Variants in ABAT observed in about 807,000 individuals in gnomAD.
The protein encoded by ABAT is 4-aminobutyrate aminotransferase, mitochondrial.
A neutral mutation model predicts 64.6 loss-of-function variants in ABAT; 45 were observed. That is an observed-to-expected ratio of 0.70 (90% CI 0.55 to 0.89). The LOEUF (loss-of-function observed/expected upper bound fraction) is 0.89, where lower values mean the gene tolerates loss of function less well. Among genes scored for constraint, ABAT ranks in the 40% least tolerant of loss-of-function variants. ABAT has a pLI of 0.00. For missense variants in ABAT, 633 were observed against 658.4 expected (o/e 0.96, Z 0.42); for synonymous variants, 297 against 250.5 (o/e 1.19, Z -1.75).
rs796917454 is a variant in ABAT at position 8,757,890 on chromosome 16, C to G, written c.366+84C>G. ...CACTGGGCAGACTTTGGCAATAGTCCTTTCATTCATTCATTCATTCCATAA... is the reference window on the plus strand; with the variant it reads ...CACTGGGCAGACTTTGGCAATAGTCGTTTCATTCATTCATTCATTCCATAA... On this transcript the variant is annotated intron_variant, in intron 6 of 15. Transcript: ENST00000268251. 7.8e-6 allele frequency: 11 copies of G among 1,414,796 alleles called. No homozygotes were observed. In the African/African-American group the frequency reaches 1.6e-4, roughly 20 times the overall value. The allele number at this position is 1,414,796 out of a possible 1,614,324, so 87.6% of individuals were successfully genotyped here. A position where few individuals can be genotyped will look rare whatever the true frequency, so the allele number is the denominator to read the frequency against.
chr16:8,750,606 AG>A (rs1246858211), intron 5 of ABAT, 67 bp downstream of exon 5: 1 of 1,450,968 alleles, frequency 6.9e-7, no homozygotes, highest in African/African-American at 1.4e-5. Flanking sequence ...GTGGCTATCC[AG>A]GTATTAGGAT....
intron 2 of ABAT, chr16:8,736,472 C>T (rs12445609): frequency 1.3e-5 from 2 of 153,194 alleles, no homozygotes; most frequent in Non-Finnish European, 2.9e-5. Flanking sequence ...CAGGCCATCT[C>T]TGCAGGGACC....
chr16:8,721,775 C>G (rs1263968053), intron 1 of ABAT, among the ~76,000 whole-genome samples: 7 of 152,180 alleles, frequency 4.6e-5, no homozygotes, highest in Non-Finnish European at 8.8e-5. Context: ...ACATTGAACT[C>G]GGCCTCTTAG....
intron 2 of ABAT, among the ~76,000 whole-genome samples, chr16:8,740,754 A>G (rs2059140787): frequency 6.6e-6 from 1 of 152,248 alleles, no homozygotes; most frequent in African/African-American, 2.4e-5. Flanking sequence ...AGAGAGTGGG[A>G]GACCACATCA....
intron 1 of ABAT, among the ~76,000 whole-genome samples, chr16:8,680,342 A>T (rs1223548472): frequency 6.6e-6 from 1 of 152,248 alleles, no homozygotes; most frequent in African/African-American, 2.4e-5. Context: ...TTCAAGGAGC[A>T]TTGACTGAAT....
intron 6 of ABAT, among the ~76,000 whole-genome samples, chr16:8,762,587 A>G (rs918525006): frequency 5.3e-5 from 8 of 152,182 alleles, no homozygotes; most frequent in East Asian, 1.9e-4. Context: ...CTGATACCCA[A>G]TGTCCCAGAT....
At chr16:8,728,249 T>C (rs2058615739) in intron 1 of ABAT, among the ~76,000 whole-genome samples, 1 of 152,226 alleles carries the variant, frequency 6.6e-6, no homozygotes, top group African/African-American at 2.4e-5. Flanking sequence ...AGAGATCAGA[T>C]TTTGTTATAA....
At chr16:8,682,010 AC>A (rs1302564389) in intron 1 of ABAT, among the ~76,000 whole-genome samples, 2 of 152,020 alleles carry the variant, frequency 1.3e-5, no homozygotes. Flanking sequence ...CTTGGCCTCC[AC>A]CCACCAGACG....
intron 1 of ABAT, among the ~76,000 whole-genome samples, chr16:8,692,754 C>A (rs1055533588): frequency 6.6e-6 from 1 of 152,172 alleles, no homozygotes; most frequent in Non-Finnish European, 1.5e-5. Context: ...CTTGCCTTGC[C>A]CTTTGTGCGG....
intron 1 of ABAT, among the ~76,000 whole-genome samples, chr16:8,696,976 G>T (rs940451598): frequency 3.3e-5 from 5 of 152,188 alleles, no homozygotes; most frequent in African/African-American, 1.2e-4. Flanking sequence ...CTTACATTGC[G>T]CGTCGACTGT....
At chr16:8,722,642 C>G (rs761213174) in intron 1 of ABAT, 3 of 390,272 alleles carry the variant, frequency 7.7e-6, no homozygotes, top group Non-Finnish European at 1.4e-5. Flanking sequence ...GGGCCAACAA[C>G]CAGCCTGCTG....
intron 1 of ABAT, among the ~76,000 whole-genome samples, chr16:8,691,409 AG>A (rs962120502): frequency 3.3e-4 from 50 of 152,144 alleles, no homozygotes; most frequent in African/African-American, 1.2e-3. Flanking sequence ...CCTGGAGAGC[AG>A]GGTTCTCTGC....
At chr16:8,722,027 C>G (rs1398616738) in intron 1 of ABAT, among the ~76,000 whole-genome samples, 1 of 152,168 alleles carries the variant, frequency 6.6e-6, no homozygotes, top group Non-Finnish European at 1.5e-5. Context: ...CCTGACAATT[C>G]CTATTCTGTT....
At chr16:8,773,039 G>A in intron 12 of ABAT, 122 bp downstream of exon 12, 1 of 1,390,432 alleles carries the variant, frequency 7.2e-7, no homozygotes, top group Admixed American at 1.8e-5. Flanking sequence ...TGCAGAGGCT[G>A]TCTGTCAGCA....
intron 6 of ABAT, among the ~76,000 whole-genome samples, chr16:8,761,255 T>A (rs1201607065): frequency 1.4e-5 from 2 of 139,420 alleles, no homozygotes; most frequent in Admixed American, 1.6e-4. Flanking sequence ...AACCCTCACA[T>A]CTCCCACTTG....
chr16:8,724,182 C>T (rs763947931), intron 1 of ABAT, among the ~76,000 whole-genome samples: 1 of 152,024 alleles, frequency 6.6e-6, no homozygotes, highest in African/African-American at 2.4e-5. Context: ...ATACCACCTC[C>T]ATGCACAACC....
chr16:8,699,594 C>G (rs1331338536), intron 1 of ABAT, among the ~76,000 whole-genome samples: 4 of 152,128 alleles, frequency 2.6e-5, no homozygotes, highest in Non-Finnish European at 5.9e-5. Context: ...CAGGACCTCA[C>G]TCTGTCACCC....
chr16:8,739,824 C>A (rs781292295), intron 2 of ABAT, among the ~76,000 whole-genome samples: 12 of 151,358 alleles, frequency 7.9e-5, no homozygotes, highest in Admixed American at 2.0e-4. Flanking sequence ...TCTGCATTTT[C>A]TTGGCTGGAG....
intron 5 of ABAT, among the ~76,000 whole-genome samples, chr16:8,754,936 A>G (rs1305256613): frequency 2.0e-5 from 3 of 151,880 alleles, no homozygotes; most frequent in Admixed American, 6.6e-5. Flanking sequence ...CCAAGCTGGT[A>G]TCAAACTCCT....
Sources: gnomAD v4.1 joint callset for allele counts (sites outside exome capture counted in the v4.1 genomes callset) on GRCh38, gnomAD v4.1.1 for gene constraint, MANE v1.5 for transcripts, NCBI Gene and HGNC (gene_info 2026-07-23, HGNC 2026-07-21) for gene names.